The following GRIK4 variants were observed in gnomAD, a reference collection of about 807,000 sequenced individuals.
The protein encoded by GRIK4 is glutamate ionotropic receptor kainate type subunit 4.
In GRIK4, 40 loss-of-function variants were observed where a neutral mutation model predicts 104.9. That is an observed-to-expected ratio of 0.38 (90% confidence interval 0.30 to 0.50). GRIK4 has a LOEUF of 0.50. GRIK4 is among the 20% of genes least tolerant of loss of function. The probability of loss-of-function intolerance (pLI) is 0.93; values close to 1 mark genes in which losing one functional copy is unlikely to be tolerated. For synonymous variants in GRIK4, 485 were observed against 524.9 expected (o/e 0.92, Z 1.04); for missense variants, 1,047 against 1,308.1 (o/e 0.80, Z 3.08).
At chr11:120,682,572 G>C (rs1482178049) in intron 3 of GRIK4, among the ~76,000 whole-genome samples, 1 of 146,898 alleles carries the variant, frequency 6.8e-6, no homozygotes, top group Non-Finnish European at 1.5e-5. Context: ...TCTCTGTCTA[G>C]ACCACTATTT....
chr11:120,955,360 C>T (rs886255534), intron 15 of GRIK4, among the ~76,000 whole-genome samples: 2 of 152,308 alleles, frequency 1.3e-5, no homozygotes, highest in Non-Finnish European at 2.9e-5. Flanking sequence ...AGGAGAGGCG[C>T]GGATGGAAAC....
chr11:120,822,159 C>T (rs1472541103), intron 6 of GRIK4, among the ~76,000 whole-genome samples: 2 of 143,386 alleles, frequency 1.4e-5, no homozygotes, highest in African/African-American at 5.3e-5. Context: ...TGCAGTGAGC[C>T]GAGATCATGC....
At chr11:120,824,067 T>C (rs977247140) in intron 6 of GRIK4, among the ~76,000 whole-genome samples, 3 of 152,310 alleles carry the variant, frequency 2.0e-5, no homozygotes, top group Admixed American at 2.0e-4. Context: ...TGAGTAGAAT[T>C]AGGAGCAGAA....
intron 3 of GRIK4, among the ~76,000 whole-genome samples, chr11:120,776,651 AG>A (rs1460609521): frequency 6.6e-6 from 1 of 152,126 alleles, no homozygotes; most frequent in African/African-American, 2.4e-5. Flanking sequence ...CTGCTTAGCG[AG>A]TGTTTCTGGC....
At chr11:120,876,099 AT>A (rs1264456191) in intron 11 of GRIK4, among the ~76,000 whole-genome samples, 1 of 150,588 alleles carries the variant, frequency 6.6e-6, no homozygotes, top group Admixed American at 6.6e-5. Flanking sequence ...TTTCCAGGAG[AT>A]TATGAAGAAT....
intron 11 of GRIK4, among the ~76,000 whole-genome samples, chr11:120,886,503 G>A (rs932180158): frequency 6.6e-6 from 1 of 152,182 alleles, no homozygotes; most frequent in Non-Finnish European, 1.5e-5. Context: ...ATTAAGCGAG[G>A]TGCCTGCAAA....
chr11:120,910,844 A>G (rs968452449), intron 13 of GRIK4, among the ~76,000 whole-genome samples: 3 of 152,222 alleles, frequency 2.0e-5, no homozygotes, highest in African/African-American at 4.8e-5. Context: ...CCTGTGACAC[A>G]TGGGGAAGGA....
chr11:120,893,841 G>A (rs1008973312), intron 11 of GRIK4, among the ~76,000 whole-genome samples: 1 of 152,154 alleles, frequency 6.6e-6, no homozygotes, highest in Non-Finnish European at 1.5e-5. Context: ...ACTGAGCATG[G>A]GCGGGCACTG....
intron 13 of GRIK4, among the ~76,000 whole-genome samples, chr11:120,918,309 C>T (rs749862793): frequency 2.0e-5 from 3 of 152,194 alleles, no homozygotes; most frequent in Non-Finnish European, 4.4e-5. Context: ...TTCCTGAACC[C>T]GGGGTGACAA....
chr11:120,852,903 A>G (rs2135602344), intron 8 of GRIK4, among the ~76,000 whole-genome samples: 1 of 152,252 alleles, frequency 6.6e-6, no homozygotes, highest in East Asian at 1.9e-4. Context: ...TCTAGCTATG[A>G]AGAAGAGCCT....
At chr11:120,894,296 C>T (rs1295272568) in intron 11 of GRIK4, 1 of 152,152 alleles carries the variant, frequency 6.6e-6, no homozygotes, top group African/African-American at 2.4e-5. Context: ...GAAACAGGCT[C>T]AGAGGGATTC....
intron 1 of GRIK4, among the ~76,000 whole-genome samples, chr11:120,606,275 C>G (rs996688874): frequency 6.6e-6 from 1 of 152,208 alleles, no homozygotes; most frequent in African/African-American, 2.4e-5. Flanking sequence ...CCCCACGCCC[C>G]TCCTCTGCAG....
intron 1 of GRIK4, among the ~76,000 whole-genome samples, chr11:120,589,878 C>T (rs1477415506): frequency 2.6e-5 from 4 of 152,192 alleles, no homozygotes; most frequent in African/African-American, 9.7e-5. Context: ...TTTATCCCTT[C>T]ACTCCTAGAA....
chr11:120,735,868 G>C (rs2155264), intron 3 of GRIK4, among the ~76,000 whole-genome samples: 114,402 of 152,020 alleles, frequency 0.75, 43,309 homozygotes, highest in Middle Eastern at 0.84. Context: ...CCCTTAAGGC[G>C]CAAGGACATC....
intron 3 of GRIK4, among the ~76,000 whole-genome samples, chr11:120,706,906 C>T (rs948243376): frequency 6.6e-5 from 10 of 152,112 alleles, no homozygotes; most frequent in South Asian, 2.1e-4. Context: ...ACCATATGAA[C>T]GGACTGACAG....
At chr11:120,943,152 C>CACACA (rs1413495598) in intron 14 of GRIK4, among the ~76,000 whole-genome samples, 11,855 of 95,148 alleles carry the variant, frequency 0.12, 825 homozygotes, top group South Asian at 0.17. Context: ...ACACACACAC[C>CACACA]CCCCTGACTG....
intron 3 of GRIK4, among the ~76,000 whole-genome samples, chr11:120,753,703 G>A (rs992311060): frequency 3.9e-5 from 6 of 152,168 alleles, no homozygotes; most frequent in African/African-American, 1.4e-4. Context: ...AGATGATGCC[G>A]GCCCTTGTCT....
At chr11:120,632,435 G>A (rs948104067) in intron 1 of GRIK4, among the ~76,000 whole-genome samples, 5 of 152,126 alleles carry the variant, frequency 3.3e-5, no homozygotes, top group Middle Eastern at 3.4e-3. Flanking sequence ...TCCATGCTCC[G>A]TGTCCCCTTC....
chr11:120,927,762 G>C (rs893193735), intron 13 of GRIK4, among the ~76,000 whole-genome samples: 1 of 152,120 alleles, frequency 6.6e-6, no homozygotes, highest in East Asian at 1.9e-4. Flanking sequence ...CACACTTCCA[G>C]CTCTTGTTAT....
Sources: gnomAD v4.1 joint callset for allele counts (sites outside exome capture counted in the v4.1 genomes callset) on GRCh38, gnomAD v4.1.1 for gene constraint, MANE v1.5 for transcripts, NCBI Gene and HGNC (gene_info 2026-07-23, HGNC 2026-07-21) for gene names.